Variants in ITGA9 observed in about 807,000 individuals in gnomAD.
ITGA9 encodes the protein integrin alpha-9.
In ITGA9, 56 loss-of-function variants were observed where a neutral mutation model predicts 127.8. The ratio of observed to expected loss-of-function variants is 0.44; its 90% confidence interval spans 0.35 to 0.55. ITGA9 has a LOEUF of 0.55. ITGA9 is among the 20% of genes least tolerant of loss of function. ITGA9 has a pLI of 0.00. For synonymous variants in ITGA9, 508 were observed against 514.5 expected, an observed-to-expected ratio of 0.99 and a Z score of 0.17; for missense variants, 1,196 against 1,347.1, an observed-to-expected ratio of 0.89 and a Z score of 1.76.
intron 17 of ITGA9, among the ~76,000 whole-genome samples, chr3:37,658,967 C>A (rs1055320037): frequency 2.0e-5 from 3 of 152,174 alleles, no homozygotes; most frequent in Admixed American, 6.5e-5. Flanking sequence ...ATATGAAATT[C>A]TGGTTTGAAA....
At chr3:37,758,065 T>C (rs1359124235) in intron 23 of ITGA9, among the ~76,000 whole-genome samples, 3 of 151,508 alleles carry the variant, frequency 2.0e-5, no homozygotes, top group Non-Finnish European at 2.9e-5. Flanking sequence ...GGCTCACGCC[T>C]GTAATCCCAG....
chr3:37,453,948 T>C (rs565778210), intron 1 of ITGA9, among the ~76,000 whole-genome samples: 42 of 152,310 alleles, frequency 2.8e-4, no homozygotes, highest in Non-Finnish European at 5.4e-4. Flanking sequence ...ACCGAGTGTG[T>C]CTGTTCTTAA....
chr3:37,571,653 T>C (rs1011333112), intron 15 of ITGA9, among the ~76,000 whole-genome samples: 7 of 152,138 alleles, frequency 4.6e-5, no homozygotes, highest in Admixed American at 6.5e-5. Context: ...CAAAGCACTT[T>C]CTGGAGATAT....
At chr3:37,755,175 A>T (rs1304222704) in intron 23 of ITGA9, among the ~76,000 whole-genome samples, 2 of 152,148 alleles carry the variant, frequency 1.3e-5, no homozygotes, top group Non-Finnish European at 2.9e-5. Flanking sequence ...TCAGCATCCC[A>T]AGTTGAGGAA....
At chr3:37,585,175 C>G (rs1376383688) in intron 15 of ITGA9, among the ~76,000 whole-genome samples, 2 of 151,882 alleles carry the variant, frequency 1.3e-5, no homozygotes, top group East Asian at 1.9e-4. Flanking sequence ...TTAAACTGAC[C>G]CCCCTTACTG....
chr3:37,750,117 C>T (rs1696563454), intron 22 of ITGA9, among the ~76,000 whole-genome samples: 1 of 151,676 alleles, frequency 6.6e-6, no homozygotes, highest in Non-Finnish European at 1.5e-5. Context: ...TTGAGAACCA[C>T]TGGACTAGAT....
At chr3:37,455,922 G>A (rs1351495859) in intron 1 of ITGA9, among the ~76,000 whole-genome samples, 1 of 152,116 alleles carries the variant, frequency 6.6e-6, no homozygotes, top group Admixed American at 6.5e-5. Context: ...GTGCTCTGTT[G>A]GTGGAACTAG....
intron 26 of ITGA9, among the ~76,000 whole-genome samples, chr3:37,789,131 C>A (rs1005824757): frequency 1.2e-4 from 18 of 152,108 alleles, no homozygotes; most frequent in African/African-American, 4.3e-4. Flanking sequence ...ACCTTGCTAT[C>A]GAGTCTCTTT....
chr3:37,477,126 C>T (rs1347028541), intron 3 of ITGA9, among the ~76,000 whole-genome samples: 1 of 152,078 alleles, frequency 6.6e-6, no homozygotes, highest in Non-Finnish European at 1.5e-5. Context: ...TTCAACCCTA[C>T]CTGTCAGAGC....
intron 18 of ITGA9, among the ~76,000 whole-genome samples, chr3:37,690,615 G>A (rs1156743184): frequency 6.6e-6 from 1 of 152,170 alleles, no homozygotes; most frequent in East Asian, 1.9e-4. Context: ...GTGCATGAGG[G>A]CTCCCAGCTG....
chr3:37,566,734 T>C (rs1699551117), intron 15 of ITGA9, among the ~76,000 whole-genome samples: 1 of 152,146 alleles, frequency 6.6e-6, no homozygotes, highest in African/African-American at 2.4e-5. Flanking sequence ...ATCTTGTTCT[T>C]TGGAATTGAC....
intron 23 of ITGA9, among the ~76,000 whole-genome samples, chr3:37,775,121 T>C (rs1696891060): frequency 6.6e-6 from 1 of 152,218 alleles, no homozygotes; most frequent in Admixed American, 6.5e-5. Context: ...TTGCAAACTA[T>C]GCATCTGACG....
At chr3:37,813,972 T>C (rs192128762) in intron 27 of ITGA9, among the ~76,000 whole-genome samples, 1,562 of 151,828 alleles carry the variant, frequency 0.01, 31 homozygotes, top group African/African-American at 0.035. Flanking sequence ...TAAAATATTA[T>C]TAAATTCTGT....
chr3:37,639,258 G>A (rs569131184), intron 16 of ITGA9, among the ~76,000 whole-genome samples: 52 of 152,318 alleles, frequency 3.4e-4, no homozygotes, highest in African/African-American at 1.3e-3. Context: ...CAATTCAATT[G>A]TGTGTCTACT....
intron 26 of ITGA9, among the ~76,000 whole-genome samples, chr3:37,802,577 T>C (rs1320870523): frequency 6.6e-6 from 1 of 152,132 alleles, no homozygotes; most frequent in Non-Finnish European, 1.5e-5. Context: ...GGAGCTTAAA[T>C]GGGACAGTGG....
intron 15 of ITGA9, among the ~76,000 whole-genome samples, chr3:37,616,866 G>A (rs1285776764): frequency 6.6e-5 from 10 of 152,174 alleles, no homozygotes; most frequent in South Asian, 4.2e-4. Context: ...GTCTCTGCAC[G>A]TGAGATGGGT....
chr3:37,529,626 T>C (rs1418346033), intron 13 of ITGA9, among the ~76,000 whole-genome samples: 1 of 152,202 alleles, frequency 6.6e-6, no homozygotes, highest in Non-Finnish European at 1.5e-5. Flanking sequence ...TTGAGCCATT[T>C]TCTGGTCTCC....
At chr3:37,649,166 G>T (rs2125645334) in intron 16 of ITGA9, among the ~76,000 whole-genome samples, 1 of 148,052 alleles carries the variant, frequency 6.8e-6, no homozygotes. Flanking sequence ...GAGAAAAAGA[G>T]GGACAAAAGA....
chr3:37,683,800 C>A (rs547437507), intron 17 of ITGA9, 65 bp from the exon 18 acceptor site: 9 of 1,552,870 alleles, frequency 5.8e-6, no homozygotes, highest in South Asian at 4.5e-5. Context: ...TCAACTACCC[C>A]CTGTGCCTCA....
Sources: allele counts gnomAD v4.1 joint callset (sites outside exome capture counted in the v4.1 genomes callset), GRCh38; gene constraint gnomAD v4.1.1; transcripts MANE v1.5; gene names NCBI Gene and HGNC (gene_info 2026-07-23, HGNC 2026-07-21).